Variants in MAGI1 observed in about 807,000 individuals in gnomAD.
The protein encoded by MAGI1 is membrane-associated guanylate kinase, WW and PDZ domain-containing protein 1.
Under a neutral mutation model 139.9 loss-of-function variants are expected in MAGI1, and 58 were observed. That is an observed-to-expected ratio of 0.41 (90% confidence interval 0.34 to 0.52). The LOEUF (loss-of-function observed/expected upper bound fraction) is 0.52, where lower values mean the gene tolerates loss of function less well. Ranked by LOEUF, MAGI1 falls within the 20% of genes least tolerant of loss-of-function variation. MAGI1 has a pLI of 0.12. For missense variants in MAGI1, 1,874 were observed against 1,901.6 expected, an observed-to-expected ratio of 0.99 and a Z score of 0.27; for synonymous variants, 812 against 737.9, an observed-to-expected ratio of 1.10 and a Z score of -1.63.
At chr3:65,648,960 A>T (rs550580425) in intron 1 of MAGI1, among the ~76,000 whole-genome samples, 3 of 152,274 alleles carry the variant, frequency 2.0e-5, no homozygotes, top group Non-Finnish European at 4.4e-5. Flanking sequence ...GAGAAAGGAC[A>T]CCCTTTTCAA....
Position 65,430,129 on chromosome 3 carries a change from C to T in MAGI1, c.1558G>A (p.Val520Ile), listed in dbSNP as rs746188828. The change falls in exon 12 of 23, where the codon GTA becomes ATA. Residue 520 changes from valine (V) to isoleucine (I), a missense_variant. Val to Ile is a conservative substitution (Grantham distance 29). Coordinates refer to ENST00000402939, the MANE Select transcript of MAGI1 (RefSeq NM_001033057.2). ...AAAACACAGGTGTCATTCACACTTA[C>T]AATCACATCCCCTGTAGAAGGCAAG... Reference protein sequence around the residue: ...DGKMETGDVIVSVNDTCVLGH... With the variant: ...DGKMETGDVIISVNDTCVLGH... 9 of 1,612,220 alleles carry T rather than the reference C, an allele frequency of 5.6e-6. No homozygotes were observed. In the African/African-American group the frequency reaches 1.1e-4, roughly 19 times the overall value.
At chr3:65,452,100 T>G (rs995250618) in intron 6 of MAGI1, among the ~76,000 whole-genome samples, 2 of 151,766 alleles carry the variant, frequency 1.3e-5, no homozygotes, top group African/African-American at 4.8e-5. Flanking sequence ...TATTCCTTCT[T>G]CAGGAATCAA....
At chr3:65,451,369 A>G (rs893350162) in intron 6 of MAGI1, among the ~76,000 whole-genome samples, 1 of 152,184 alleles carries the variant, frequency 6.6e-6, no homozygotes, top group African/African-American at 2.4e-5. Context: ...TCAAATAATG[A>G]TTATTGTTCC....
At chr3:66,027,273 T>A (rs1278168816) in intron 1 of MAGI1, among the ~76,000 whole-genome samples, 3 of 26,472 alleles carry the variant, frequency 1.1e-4, no homozygotes, top group South Asian at 9.7e-4. Flanking sequence ...CTCAAATAAA[T>A]AAATAAATAA....
At chr3:65,950,090 C>CAAAAAAAAAAAAAAAAAA (rs1269489815) in intron 1 of MAGI1, among the ~76,000 whole-genome samples, 7 of 17,062 alleles carry the variant, frequency 4.1e-4, no homozygotes, top group Non-Finnish European at 6.6e-4. Flanking sequence ...AAAAAAAAAA[C>CAAAAAAAAAAAAAAAAAA]AAACAAAAAA....
At chr3:65,683,667 T>A (rs992367203) in intron 1 of MAGI1, among the ~76,000 whole-genome samples, 1 of 86,220 alleles carries the variant, frequency 1.2e-5, no homozygotes, top group Non-Finnish European at 2.6e-5. Flanking sequence ...GATATATATA[T>A]ATATATATAT....
At chr3:65,541,911 T>A (rs906463614) in intron 2 of MAGI1, among the ~76,000 whole-genome samples, 1 of 152,196 alleles carries the variant, frequency 6.6e-6, no homozygotes, top group African/African-American at 2.4e-5. Context: ...GTGTTGGAAG[T>A]TCTGGCCAGG....
At chr3:65,626,588 T>C (rs2083983898) in intron 1 of MAGI1, among the ~76,000 whole-genome samples, 1 of 152,194 alleles carries the variant, frequency 6.6e-6, no homozygotes, top group Non-Finnish European at 1.5e-5. Flanking sequence ...CCTACCAAAG[T>C]GCTGGGATTA....
At chr3:65,520,564 C>T (rs943165846) in intron 2 of MAGI1, among the ~76,000 whole-genome samples, 3 of 152,160 alleles carry the variant, frequency 2.0e-5, no homozygotes, top group Non-Finnish European at 4.4e-5. Flanking sequence ...ATGCCTGACA[C>T]TTAATGAGTA....
intron 1 of MAGI1, among the ~76,000 whole-genome samples, chr3:65,816,828 T>C (rs909270687): frequency 2.0e-5 from 3 of 152,178 alleles, no homozygotes; most frequent in East Asian, 1.9e-4. Flanking sequence ...AATTTAGGGA[T>C]GTAAAATGTT....
intron 14 of MAGI1, among the ~76,000 whole-genome samples, chr3:65,390,826 A>C (rs1188606873): frequency 6.6e-6 from 1 of 152,226 alleles, no homozygotes; most frequent in African/African-American, 2.4e-5. Flanking sequence ...AGCACATCAC[A>C]ATCTCCACTC....
intron 1 of MAGI1, among the ~76,000 whole-genome samples, chr3:66,017,418 G>T (rs1467176904): frequency 6.6e-6 from 1 of 152,218 alleles, no homozygotes; most frequent in Admixed American, 6.5e-5. Context: ...GCTTTCTTCA[G>T]ATCAAACTCC....
intron 1 of MAGI1, among the ~76,000 whole-genome samples, chr3:65,930,088 G>C (rs921602970): frequency 6.0e-5 from 9 of 149,844 alleles, no homozygotes; most frequent in African/African-American, 1.2e-4. Context: ...AGGCCGAGGC[G>C]GGTGGATCAC....
At chr3:65,936,504 T>C (rs905027934) in intron 1 of MAGI1, among the ~76,000 whole-genome samples, 1 of 151,174 alleles carries the variant, frequency 6.6e-6, no homozygotes, top group Non-Finnish European at 1.5e-5. Context: ...TGGGTGTGGC[T>C]GGTACACGCC....
At position 65,382,043 on chromosome 3, in the gene MAGI1, C is replaced by G. The variant is rs1340862813; in HGVS notation, c.2535G>C (p.Leu845=). The G allele has an allele frequency of 6.2e-7, 1 of 1,613,456 alleles. No individual in the cohort carries two copies. The highest frequency in any genetic ancestry group is 8.5e-7 in the Non-Finnish European group (1 of 1,179,760). Residue 845 remains leucine, a synonymous_variant, in exon 16 of 23, where the codon CTG becomes CTC. Transcript: ENST00000402939. ...EPIYIGHIVP[L]GAADTDGRLR... is the part of the protein sequence containing the mutation. ...GGCGGCCGTCAGTATCAGCAGCACC[C>G]AGTGGTACGATGTGACCAATATAAA...
intron 1 of MAGI1, 71 bp from the exon 2 acceptor site, chr3:65,622,159 T>C (rs2083708331): frequency 2.8e-6 from 3 of 1,074,146 alleles, no homozygotes; most frequent in South Asian, 2.5e-5. Context: ...AGCCAAGAAC[T>C]GATTGCAAGA....
At position 65,361,192 on chromosome 3, in the gene MAGI1, G is replaced by A. The variant is rs943333026; in HGVS notation, c.3634+7C>T. On this transcript the variant is annotated splice_region_variant and intron_variant, in intron 22 of 22. Coordinates refer to ENST00000402939, the MANE Select transcript of MAGI1 (RefSeq NM_001033057.2). ...GAAGGAAGGAATGTTTTCATAGTTTGACCCACCATATTCTGGTACTGAGCC... is the reference window on the plus strand; with the variant it reads ...GAAGGAAGGAATGTTTTCATAGTTTAACCCACCATATTCTGGTACTGAGCC... The A allele has an allele frequency of 1.2e-6, 2 of 1,613,982 alleles. No homozygotes were observed. Among genetic ancestry groups the A allele is most frequent in the South Asian group, 1.1e-5 (1 of 91,074 alleles).
intron 1 of MAGI1, among the ~76,000 whole-genome samples, chr3:65,823,398 C>T (rs1345152492): frequency 6.6e-6 from 1 of 152,154 alleles, no homozygotes; most frequent in Non-Finnish European, 1.5e-5. Context: ...ATTTCCAGTG[C>T]CCAGCACAGT....
chr3:65,493,134 A>T (rs1257221306), intron 3 of MAGI1, among the ~76,000 whole-genome samples: 1 of 151,988 alleles, frequency 6.6e-6, no homozygotes, highest in Non-Finnish European at 1.5e-5. Flanking sequence ...ATTAAAAACC[A>T]ATCAGTAGGA....
Sources: gnomAD v4.1 joint callset for allele counts (sites outside exome capture counted in the v4.1 genomes callset) on GRCh38, gnomAD v4.1.1 for gene constraint, MANE v1.5 for transcripts, NCBI Gene and HGNC (gene_info 2026-07-23, HGNC 2026-07-21) for gene names.